Variants in IGSF11 observed in about 807,000 individuals in gnomAD.
IGSF11 encodes CXADR like 1.
In IGSF11, 22 loss-of-function variants were observed where a neutral mutation model predicts 41.0. That is an observed-to-expected ratio of 0.54 (90% CI 0.38 to 0.77). The LOEUF (loss-of-function observed/expected upper bound fraction) is 0.77, where lower values mean the gene tolerates loss of function less well. IGSF11 is among the 30% of genes least tolerant of loss of function. The pLI is 0.00. For synonymous variants in IGSF11, 219 were observed against 201.3 expected, an observed-to-expected ratio of 1.09 and a Z score of -0.74; for missense variants, 444 against 530.8, an observed-to-expected ratio of 0.84 and a Z score of 1.61.
chr3:118,921,232 C>T (rs1941751188), intron 4 of IGSF11, among the ~76,000 whole-genome samples: 1 of 152,124 alleles, frequency 6.6e-6, no homozygotes, highest in Non-Finnish European at 1.5e-5. Context: ...AATGTAAGCT[C>T]TACAAAGGGA....
At chr3:118,933,487 T>TACAC (rs1559920293) in intron 1 of IGSF11, among the ~76,000 whole-genome samples, 4 of 149,918 alleles carry the variant, frequency 2.7e-5, no homozygotes, top group African/African-American at 9.9e-5. Context: ...TATATATATA[T>TACAC]ATACACACAC....
intron 1 of IGSF11, chr3:118,983,599 C>A (rs2107639793): frequency 6.6e-6 from 1 of 152,260 alleles, no homozygotes; most frequent in Admixed American, 6.5e-5. Flanking sequence ...TATATCCTAT[C>A]CATGCATCAA....
At chr3:119,133,394 AC>A (rs2077512267) in intron 1 of IGSF11, among the ~76,000 whole-genome samples, 1 of 152,220 alleles carries the variant, frequency 6.6e-6, no homozygotes, top group Non-Finnish European at 1.5e-5. Flanking sequence ...GGATATTACC[AC>A]CAATCCCACA....
chr3:119,015,085 A>T (rs566485367), intron 1 of IGSF11, among the ~76,000 whole-genome samples: 1 of 152,308 alleles, frequency 6.6e-6, no homozygotes, highest in African/African-American at 2.4e-5. Context: ...ATTATCTAGG[A>T]TGATGTTTAT....
intron 1 of IGSF11, chr3:119,012,802 A>C: frequency 6.6e-6 from 1 of 152,246 alleles, no homozygotes; most frequent in East Asian, 1.9e-4. Flanking sequence ...CGACAGCCTC[A>C]ACTGATCTCC....
chr3:118,940,356 C>G (rs2107555748), intron 1 of IGSF11, among the ~76,000 whole-genome samples: 1 of 152,146 alleles, frequency 6.6e-6, no homozygotes, highest in East Asian at 1.9e-4. Context: ...GGCTAATATA[C>G]AAATAGCAAC....
chr3:119,140,059 A>G (rs1205554402), intron 1 of IGSF11, among the ~76,000 whole-genome samples: 3 of 152,164 alleles, frequency 2.0e-5, no homozygotes, highest in South Asian at 2.1e-4. Context: ...ACTAGGAAAT[A>G]TCTATTTAAC....
intron 6 of IGSF11, among the ~76,000 whole-genome samples, chr3:118,903,985 A>G (rs1424721349): frequency 6.6e-6 from 1 of 152,222 alleles, no homozygotes; most frequent in Non-Finnish European, 1.5e-5. Flanking sequence ...ACTGGAAGGC[A>G]AAGTGAGCTG....
intron 1 of IGSF11, among the ~76,000 whole-genome samples, chr3:119,092,561 C>T (rs1008530108): frequency 4.6e-5 from 7 of 152,052 alleles, no homozygotes; most frequent in African/African-American, 1.4e-4. Context: ...AACTCCTGAC[C>T]TCAGGTGATC....
chr3:119,089,823 G>A (rs979275403), intron 1 of IGSF11, among the ~76,000 whole-genome samples: 8 of 152,182 alleles, frequency 5.3e-5, no homozygotes, highest in Admixed American at 1.3e-4. Flanking sequence ...TTGAGAGTTC[G>A]AGACCAGCCC....
In IGSF11 at chr3:119,019,062, TAAAAG is replaced by T. The variant is rs1214966776; in HGVS notation, c.52+15464_52+15468del. Among the ~76,000 whole-genome samples the T allele has an allele frequency of 3.9e-5, 6 of 152,204 alleles. No homozygotes were observed. The South Asian group carries it at 1.2e-3, about 32-fold the overall frequency. On this transcript the variant is annotated intron_variant, in intron 1 of 6. Transcript: ENST00000393775. The stretch of plus-strand genomic sequence containing the variant: ...ATGAAGCGAATAAAGAGGGTTTTCT[TAAAAG>T]AAAGTATCATTTATTGAGATTCAAT...
chr3:119,097,726 A>C (rs1329852564), intron 1 of IGSF11, among the ~76,000 whole-genome samples: 3 of 151,894 alleles, frequency 2.0e-5, no homozygotes, highest in African/African-American at 7.3e-5. Flanking sequence ...TCCATTACAA[A>C]CCTCAAGAGA....
chr3:119,086,580 C>T (rs576487121), intron 1 of IGSF11, among the ~76,000 whole-genome samples: 233 of 152,126 alleles, frequency 1.5e-3, no homozygotes, highest in Non-Finnish European at 2.7e-3. Context: ...TCAGCAGGAA[C>T]TTATAAGCCA....
chr3:119,053,334 G>A (rs1177477646), intron 1 of IGSF11, among the ~76,000 whole-genome samples: 1 of 152,032 alleles, frequency 6.6e-6, no homozygotes, highest in Non-Finnish European at 1.5e-5. Flanking sequence ...TAAAATCAAT[G>A]TACACAAATC....
At chr3:119,087,113 G>A (rs552710549) in intron 1 of IGSF11, among the ~76,000 whole-genome samples, 2 of 152,250 alleles carry the variant, frequency 1.3e-5, no homozygotes, top group Admixed American at 1.3e-4. Flanking sequence ...TCTTATATCA[G>A]ATAAAACAGA....
Position 119,094,223 on chromosome 3 carries a change from T to TAAAAAAAAAA in IGSF11, c.49+10911_49+10920dup, listed in dbSNP as rs1175348778. Among the ~76,000 whole-genome samples the TAAAAAAAAAA allele has an allele frequency of 5.7e-4, 20 of 35,072 alleles. 3 individuals are homozygous for TAAAAAAAAAA. The highest frequency in any genetic ancestry group is 1.3e-3 in the East Asian group (1 of 760). The allele number at this position is 35,072 out of a possible 152,430, so 23.0% of individuals were successfully genotyped here. On this transcript the variant is annotated intron_variant, in intron 1 of 6. Coordinates refer to the IGSF11 transcript ENST00000354673. ...TGGAAAGAAGGACTACATAGCGAAGTAAAAAAAAAAAAAAAAAAAAAAAAA... is the reference window on the plus strand; with the variant it reads ...TGGAAAGAAGGACTACATAGCGAAGTAAAAAAAAAAAAAAAAAAAAAAAAAAAAAAAAAAA...
chr3:118,984,804 G>A (rs1935093786), intron 1 of IGSF11, among the ~76,000 whole-genome samples: 1 of 152,174 alleles, frequency 6.6e-6, no homozygotes, highest in African/African-American at 2.4e-5. Flanking sequence ...GGAGGGAAAG[G>A]TAAGGGAGCA....
chr3:118,924,364 T>C, intron 4 of IGSF11, among the ~76,000 whole-genome samples: 1 of 152,216 alleles, frequency 6.6e-6, no homozygotes, highest in East Asian at 1.9e-4. Flanking sequence ...TAAACATAAT[T>C]AGTAAAGTAA....
intron 1 of IGSF11, among the ~76,000 whole-genome samples, chr3:118,946,753 G>C (rs982204192): frequency 4.6e-5 from 7 of 152,116 alleles, no homozygotes; most frequent in African/African-American, 1.2e-4. Flanking sequence ...TCACTCTTTG[G>C]GCACAACGCT....
Sources: gnomAD v4.1 joint callset for allele counts (sites outside exome capture counted in the v4.1 genomes callset) on GRCh38, gnomAD v4.1.1 for gene constraint, MANE v1.5 for transcripts, NCBI Gene and HGNC (gene_info 2026-07-23, HGNC 2026-07-21) for gene names.